Variants in CCDC192 observed in about 807,000 individuals in gnomAD.
CCDC192 encodes coiled-coil domain-containing protein 192.
chr5:127,754,494 T>A (rs112111046), intron 3 of CCDC192, 119 bp downstream of exon 3: 1 of 311,392 alleles, frequency 3.2e-6, no homozygotes, highest in Non-Finnish European at 5.5e-6. Context: ...CACACACACA[T>A]ACACACACAC....
upstream of CCDC192, among the ~76,000 whole-genome samples, chr5:127,702,961 G>A (rs936055568): frequency 6.6e-6 from 1 of 152,218 alleles, no homozygotes; most frequent in African/African-American, 2.4e-5. Context: ...ATGAGAATGT[G>A]GCCGGGTGGG....
At position 127,836,704 on chromosome 5, in the gene CCDC192, GC is replaced by G. The variant is rs2127055255; in HGVS notation, c.411+38543del. ...AGGACCCACTGAAGCAATGGCCTTA[GC>G]TGTATGTTGGCCCCTTTTAGCTACT... is the stretch of plus-strand genomic sequence containing the variant. On this transcript the variant is annotated intron_variant, in intron 5 of 6. Transcript: ENST00000514853. Among the ~76,000 whole-genome samples the G allele has an allele frequency of 1.1e-4, 2 of 18,908 alleles. 1 individual carries two copies. Among genetic ancestry groups the G allele is most frequent in the African/African-American group, 3.0e-4 (2 of 6,674 alleles). 12.4% of individuals were successfully genotyped at this position (18,908 alleles called of 152,430 possible). A position where few individuals can be genotyped will look rare whatever the true frequency, so the allele number is the denominator to read the frequency against.
chr5:127,868,913 A>G (rs182710057), intron 5 of CCDC192, among the ~76,000 whole-genome samples: 14 of 152,328 alleles, frequency 9.2e-5, no homozygotes, highest in Non-Finnish European at 1.3e-4. Flanking sequence ...GACCGCAGAG[A>G]TTTAAATTGT....
intron 6 of CCDC192, among the ~76,000 whole-genome samples, chr5:127,900,157 CA>C (rs1343834199): frequency 2.0e-5 from 3 of 152,148 alleles, no homozygotes; most frequent in African/African-American, 7.2e-5. Context: ...GGCTATGCCT[CA>C]GTTTTCTCAT....
At chr5:127,758,128 TCTGTTAGCTTTGCC>T (rs1754716682) in intron 3 of CCDC192, among the ~76,000 whole-genome samples, 1 of 152,124 alleles carries the variant, frequency 6.6e-6, no homozygotes, top group Non-Finnish European at 1.5e-5. Flanking sequence ...CAAGACCTTA[TCTGTTAGCTTTGCC>T]TCTGAGAACA....
intron 5 of CCDC192, among the ~76,000 whole-genome samples, chr5:127,848,816 A>C (rs1471375343): frequency 6.6e-6 from 1 of 152,252 alleles, no homozygotes; most frequent in African/African-American, 2.4e-5. Context: ...AAAAGGCAGT[A>C]TCCATTATTT....
intron 2 of CCDC192, among the ~76,000 whole-genome samples, chr5:127,736,369 A>G (rs942659636): frequency 2.0e-5 from 3 of 149,728 alleles, no homozygotes; most frequent in Admixed American, 6.7e-5. Flanking sequence ...ATGTTCATCA[A>G]GGATATTGGT....
At chr5:127,923,929 A>G (rs13362517) in intron 6 of CCDC192, among the ~76,000 whole-genome samples, 7,717 of 152,262 alleles carry the variant, frequency 0.051, 625 homozygotes, top group African/African-American at 0.17. Context: ...AGAGAAGCCA[A>G]CCTGGCTCCC....
chr5:127,837,694 A>G (rs138473665), intron 5 of CCDC192, among the ~76,000 whole-genome samples: 1 of 152,362 alleles, frequency 6.6e-6, no homozygotes, highest in African/African-American at 2.4e-5. Context: ...ATGAATAAGA[A>G]TTAGACCAGA....
At chr5:127,747,101 TTTA>T (rs1753800749) in intron 2 of CCDC192, among the ~76,000 whole-genome samples, 1 of 144,476 alleles carries the variant, frequency 6.9e-6, no homozygotes, top group Non-Finnish European at 1.5e-5. Context: ...TTCTTTTTTA[TTTA>T]TTTATTTTTT....
At chr5:127,870,035 A>G (rs1751781133) in intron 5 of CCDC192, among the ~76,000 whole-genome samples, 1 of 152,114 alleles carries the variant, frequency 6.6e-6, no homozygotes, top group Non-Finnish European at 1.5e-5. Flanking sequence ...GCTCCCCAAA[A>G]CTTTATCAAA....
chr5:127,876,601 G>T (rs749173196), intron 6 of CCDC192, among the ~76,000 whole-genome samples: 3 of 152,142 alleles, frequency 2.0e-5, no homozygotes, highest in Non-Finnish European at 4.4e-5. Flanking sequence ...CAAAGCTGTG[G>T]TTCCTGGGAA....
intron 2 of CCDC192, among the ~76,000 whole-genome samples, chr5:127,727,651 A>G (rs1303557523): frequency 6.6e-6 from 1 of 152,110 alleles, no homozygotes; most frequent in East Asian, 1.9e-4. Flanking sequence ...AATGATCACA[A>G]CACCTCTCCA....
chr5:127,797,767 ATATATATATATT>A (rs1209070174), intron 4 of CCDC192, among the ~76,000 whole-genome samples: 52 of 7,818 alleles, frequency 6.7e-3, no homozygotes, highest in Admixed American at 0.024. Flanking sequence ...ATATATATAT[ATATATATATATT>A]TATTTATTTA....
intron 5 of CCDC192, among the ~76,000 whole-genome samples, chr5:127,842,082 C>T (rs962519896): frequency 6.6e-6 from 1 of 152,220 alleles, no homozygotes; most frequent in Non-Finnish European, 1.5e-5. Context: ...GAGGTGCCAG[C>T]TCCTCTGAAT....
chr5:127,917,805 A>G (rs981812826), intron 6 of CCDC192, among the ~76,000 whole-genome samples: 1 of 152,148 alleles, frequency 6.6e-6, no homozygotes, highest in African/African-American at 2.4e-5. Flanking sequence ...GAATTACCTA[A>G]ATGTGACATA....
chr5:127,789,578 G>T (rs879194549), intron 3 of CCDC192, among the ~76,000 whole-genome samples: 5 of 152,238 alleles, frequency 3.3e-5, no homozygotes, highest in Non-Finnish European at 7.3e-5. Flanking sequence ...AATACCAAGG[G>T]TGTGGCCAAG....
intron 5 of CCDC192, among the ~76,000 whole-genome samples, chr5:127,810,748 C>T (rs1758036469): frequency 6.6e-6 from 1 of 152,156 alleles, no homozygotes. Context: ...CAGTAATAAG[C>T]TTCACAGGGC....
At chr5:127,801,061 T>G (rs1757482280) in intron 5 of CCDC192, among the ~76,000 whole-genome samples, 1 of 151,958 alleles carries the variant, frequency 6.6e-6, no homozygotes, top group South Asian at 2.1e-4. Flanking sequence ...AAAATCTGTG[T>G]GTAAAGATTT....
Sources: allele counts gnomAD v4.1 joint callset (sites outside exome capture counted in the v4.1 genomes callset), GRCh38; gene constraint gnomAD v4.1.1; transcripts MANE v1.5; gene names NCBI Gene and HGNC (gene_info 2026-07-23, HGNC 2026-07-21).